NADK: variants seen among roughly 807,000 people sequenced by gnomAD.
The protein encoded by NADK is poly(P)/ATP NAD kinase.
In NADK, 22 loss-of-function variants were observed where a neutral mutation model predicts 49.8. The observed-to-expected ratio is 0.44, with a 90% CI of 0.32 to 0.63. NADK has a LOEUF of 0.63. Ranked by LOEUF, NADK falls within the 30% of genes least tolerant of loss-of-function variation. The probability of loss-of-function intolerance (pLI) is 0.06; values close to 1 mark genes in which losing one functional copy is unlikely to be tolerated. For synonymous variants in NADK, 268 were observed against 253.7 expected (o/e 1.06, Z -0.54); for missense variants, 438 against 609.4 (o/e 0.72, Z 2.96).
intron 3 of NADK, chr1:1,760,047 G>C (rs1645668206): frequency 1.1e-6 from 1 of 877,612 alleles, no homozygotes; most frequent in African/African-American, 1.7e-5. Flanking sequence ...TCACCCACGT[G>C]GCTGCTGTGC....
chr1:1,764,544 T>C (rs1645826729), intron 2 of NADK, among the ~76,000 whole-genome samples: 1 of 152,130 alleles, frequency 6.6e-6, no homozygotes, highest in African/African-American at 2.4e-5. Flanking sequence ...CCCCCAGCCT[T>C]CGCCTCTCAA....
rs1645529482 is a variant in NADK at position 1,756,567 on chromosome 1, G to A, written c.435C>T (p.Asp145=). 6.2e-7 allele frequency: 1 copy of A among 1,614,088 alleles called. No homozygotes were observed. The highest frequency in any genetic ancestry group is 8.5e-7 in the Non-Finnish European group (1 of 1,180,038). The change falls in exon 5 of 12, where the codon GAC becomes GAT. Residue 145 remains aspartate (D), a synonymous_variant. Transcript: ENST00000341426. ...AGCTTTCATCGCTGGCGATGGCAGG[G>A]TCTTCTAGCACTTTCTTTTCCACAT... The part of the protein sequence containing the change: ...IVYVEKKVLE[D]PAIASDESFG...
intron 3 of NADK, 88 bp from the exon 4 acceptor site, chr1:1,757,398 T>A: frequency 2.5e-6 from 3 of 1,221,328 alleles, no homozygotes; most frequent in Non-Finnish European, 3.5e-6. Flanking sequence ...AAAAAAAATC[T>A]TTAAAAAGGT....
intron 3 of NADK, chr1:1,758,438 A>G: frequency 6.2e-7 from 1 of 1,612,326 alleles, no homozygotes. Flanking sequence ...GCCGGGTCAC[A>G]CATGTGGCTC....
chr1:1,761,859 G>A lies in NADK; in HGVS notation c.263+93C>T, dbSNP rs1645735417. Reference sequence around the variant, plus strand: ...CCCACAACTCCACACACATCCCGAGGACTCCCCCATCCCATGGCCCCCGGC... The same window carrying A: ...CCCACAACTCCACACACATCCCGAGAACTCCCCCATCCCATGGCCCCCGGC... On this transcript the variant is annotated intron_variant, in intron 3 of 11. Coordinates refer to ENST00000341426, the MANE Select transcript of NADK (RefSeq NM_023018.5). 4 of 1,125,620 alleles carry A rather than the reference G, an allele frequency of 3.6e-6. No individual in the cohort carries two copies. The Admixed American group carries it at 7.1e-5, about 20-fold the overall frequency. 69.7% of individuals were successfully genotyped at this position (1,125,620 alleles called of 1,614,324 possible). A position where few individuals can be genotyped will look rare whatever the true frequency, so the allele number is the denominator to read the frequency against.
Position 1,754,758 on chromosome 1 carries a change from C to T in NADK, c.689-60G>A, listed in dbSNP as rs1210285369. 4.0e-6 allele frequency: 6 copies of T among 1,515,508 alleles called. No homozygotes were observed. The highest frequency in any genetic ancestry group is 5.3e-6 in the Non-Finnish European group (6 of 1,131,752). 93.9% of individuals were successfully genotyped at this position (1,515,508 alleles called of 1,614,324 possible). A position where few individuals can be genotyped will look rare whatever the true frequency, so the allele number is the denominator to read the frequency against. ...GGGAAGTCAGTGGGGTCAGGGGCCC[C>T]ACCCCAGGGAGGCCAGTGGGAGTCA... On this transcript the variant is annotated intron_variant, in intron 7 of 11. Coordinates refer to ENST00000341426, the MANE Select transcript of NADK (RefSeq NM_023018.5). This position sits in a 1 kb window ranked among gnomAD's most constrained non-coding sequence, Gnocchi z 4.3.
chr1:1,752,793 G>A lies in NADK; in HGVS notation c.*111C>T. On this transcript the variant is annotated 3_prime_UTR_variant, in exon 12 of 12. Transcript: ENST00000341426. Reference sequence around the variant, plus strand: ...CCAGGCTCTAACCCAGCTACAGAAAGGAAGTGGCCGTGCCACTGAGACAGG... The same window carrying A: ...CCAGGCTCTAACCCAGCTACAGAAAAGAAGTGGCCGTGCCACTGAGACAGG... The A allele has an allele frequency of 7.8e-7, 1 of 1,278,528 alleles. No homozygotes were observed. The highest frequency in any genetic ancestry group is 1.1e-6 in the Non-Finnish European group (1 of 918,874). 79.2% of individuals were successfully genotyped at this position (1,278,528 alleles called of 1,614,324 possible).
rs71578334 is a variant in NADK at position 1,752,908 on chromosome 1, C to CCCTCCT, written c.1331_1336dup (p.Glu444_Glu445dup). The CCCTCCT allele has an allele frequency of 4.0e-3, 6,071 of 1,525,748 alleles. 13 individuals carry two copies. Among genetic ancestry groups the CCCTCCT allele is most frequent in the South Asian group, 0.021 (1,825 of 85,902 alleles). 94.5% of individuals were successfully genotyped at this position (1,525,748 alleles called of 1,614,324 possible). ...GGGCCTGGATAGGGGCTTGACCTAG[C>CCCTCCT]CCTCCTCCTCCTCCTCCTCCTCCTC... On this transcript the variant is annotated inframe_insertion, in exon 12 of 12. Transcript: ENST00000341426.
At chr1:1,759,262 G>A (rs1465821909) in intron 3 of NADK, 2 of 1,553,880 alleles carry the variant, frequency 1.3e-6, no homozygotes, top group South Asian at 2.4e-5. Flanking sequence ...CAGGACACCA[G>A]CCCTTGCAGG....
In NADK at chr1:1,754,463, G is replaced by T; in HGVS notation, c.844-80C>A. Reference sequence around the variant, plus strand: ...GACACCCTCCGTCTCACCCAGCCGGGCTCTCCGGAAGGTCCTCATCCCTGG... The same window carrying T: ...GACACCCTCCGTCTCACCCAGCCGGTCTCTCCGGAAGGTCCTCATCCCTGG... On this transcript the variant is annotated intron_variant, in intron 8 of 11. Coordinates refer to ENST00000341426, the MANE Select transcript of NADK (RefSeq NM_023018.5). This position sits in a 1 kb window ranked among gnomAD's most constrained non-coding sequence, Gnocchi z 4.3. 2 of 1,604,882 alleles carry T rather than the reference G, an allele frequency of 1.2e-6. No individual in the cohort carries two copies. Among genetic ancestry groups the T allele is most frequent in the Non-Finnish European group, 1.7e-6 (2 of 1,173,900 alleles).
Position 1,756,795 on chromosome 1 carries a change from G to C in NADK, c.394-187C>G, listed in dbSNP as rs1645537958. On this transcript the variant is annotated intron_variant, in intron 4 of 11. Coordinates refer to ENST00000341426, the MANE Select transcript of NADK (RefSeq NM_023018.5). ...AAGCAGGACCTTTAAGAGATGACTG[G>C]GCGGAGGGGGCTCCCTCTCAGGAAT... The C allele has an allele frequency of 2.9e-6, 3 of 1,033,024 alleles. No homozygotes were observed. The East Asian group carries it at 7.1e-5, about 24-fold the overall frequency. 64.0% of individuals were successfully genotyped at this position (1,033,024 alleles called of 1,614,324 possible). A position where few individuals can be genotyped will look rare whatever the true frequency, so the allele number is the denominator to read the frequency against.
chr1:1,762,957 G>A (rs1000455750), intron 2 of NADK, among the ~76,000 whole-genome samples: 7 of 152,190 alleles, frequency 4.6e-5, no homozygotes, highest in Non-Finnish European at 7.4e-5. Context: ...GGCTGCCCTC[G>A]TCCTAGGTGC....
chr1:1,761,164 T>C (rs1557846785), intron 3 of NADK, among the ~76,000 whole-genome samples: 1 of 152,234 alleles, frequency 6.6e-6, no homozygotes, highest in Non-Finnish European at 1.5e-5. Flanking sequence ...GGCTAATTTT[T>C]GTACTTTTAG....
intron 11 of NADK, 67 bp from the exon 12 acceptor site, chr1:1,753,127 T>TCCTCCCTC: frequency 6.6e-7 from 1 of 1,526,078 alleles, no homozygotes; most frequent in East Asian, 2.3e-5. Context: ...CAAGAACCCT[T>TCCTCCCTC]CCTCCCTCCC....
At chr1:1,758,619 G>C in intron 3 of NADK, 1 of 1,448,394 alleles carries the variant, frequency 6.9e-7, no homozygotes, top group Non-Finnish European at 9.1e-7. Flanking sequence ...GATGAGACTT[G>C]GTAAAGTTGT....
Position 1,762,208 on chromosome 1 carries a change from G to A in NADK, c.180-173C>T, listed in dbSNP as rs149969635. ...TTGGAAGGTTCTGCCCAGGTCCATG[G>A]CTGCACTGGAGCGGCACCTGTGAGG... is the stretch of plus-strand genomic sequence containing the variant. On this transcript the variant is annotated intron_variant, in intron 2 of 11. Coordinates refer to ENST00000341426, the MANE Select transcript of NADK (RefSeq NM_023018.5). Among the ~76,000 whole-genome samples, 576 of 152,348 alleles carry A rather than the reference G, an allele frequency of 3.8e-3. 2 individuals carry two copies. The highest frequency in any genetic ancestry group is 6.6e-3 in the Non-Finnish European group (450 of 68,032).
chr1:1,756,697 G>A, intron 4 of NADK, 89 bp from the exon 5 acceptor site: 1 of 1,598,880 alleles, frequency 6.3e-7, no homozygotes, highest in South Asian at 1.1e-5. Flanking sequence ...TGTGGTCAGA[G>A]ACCTGGCATC....
At chr1:1,753,795 C>T (rs1304288783) in intron 10 of NADK, 146 bp from the exon 11 acceptor site, 10 of 823,482 alleles carry the variant, frequency 1.2e-5, no homozygotes, top group East Asian at 5.4e-5. Flanking sequence ...CTACAGGCAC[C>T]GGCCCAGCTC....
rs181999090 is a variant in NADK at position 1,774,172 on chromosome 1, T to C, written c.-41+4117A>G. ...ATGTATGTGTGTGTGTGTATATATA[T>C]ACACACACACACACACATATATATA... On this transcript the variant is annotated intron_variant, in intron 1 of 11. Coordinates refer to ENST00000341426, the MANE Select transcript of NADK (RefSeq NM_023018.5). Among the ~76,000 whole-genome samples, 610 of 150,388 alleles carry C rather than the reference T, an allele frequency of 4.1e-3. 3 individuals are homozygous for C. Among genetic ancestry groups the C allele is most frequent in the Non-Finnish European group, 6.3e-3 (426 of 67,550 alleles).
Sources: gnomAD v4.1 joint callset for allele counts (sites outside exome capture counted in the v4.1 genomes callset) on GRCh38, gnomAD v4.1.1 for gene constraint, Gnocchi (gnomAD v3.1) non-coding constraint, MANE v1.5 for transcripts, NCBI Gene and HGNC (gene_info 2026-07-23, HGNC 2026-07-21) for gene names.